Variants in ST3GAL3 observed in about 807,000 individuals in gnomAD.
The protein encoded by ST3GAL3 is ST3 beta-galactoside alpha-2,3-sialyltransferase 3, also known as CMP-N-acetylneuraminate-beta-1,4-galactoside alpha-2,3-sialyltransferase.
In ST3GAL3, 21 loss-of-function variants were observed where a neutral mutation model predicts 50.1. That is an observed-to-expected ratio of 0.42 (90% CI 0.30 to 0.60). The LOEUF is 0.60. ST3GAL3 is among the 20% of genes least tolerant of loss of function. The pLI is 0.19. For synonymous variants in ST3GAL3, 183 were observed against 190.0 expected (o/e 0.96, Z 0.30); for missense variants, 353 against 489.4 (o/e 0.72, Z 2.63).
chr1:43,907,363 G>A (rs1242967009), intron 9 of ST3GAL3, among the ~76,000 whole-genome samples: 1 of 152,204 alleles, frequency 6.6e-6, no homozygotes, highest in Non-Finnish European at 1.5e-5. Flanking sequence ...ACCAGGGACT[G>A]AATGTCACCC....
At chr1:43,929,253 C>T (rs2084595551) in intron 11 of ST3GAL3, among the ~76,000 whole-genome samples, 1 of 152,096 alleles carries the variant, frequency 6.6e-6, no homozygotes, top group Admixed American at 6.5e-5. Flanking sequence ...CAAAACATCA[C>T]ATTCTACCCC....
intron 2 of ST3GAL3, among the ~76,000 whole-genome samples, chr1:43,788,737 C>T (rs1337390789): frequency 6.6e-6 from 1 of 152,162 alleles, no homozygotes; most frequent in Non-Finnish European, 1.5e-5. Flanking sequence ...ATCAGAGCCT[C>T]AAAATGAATA....
chr1:43,867,848 T>C (rs2071703020), intron 5 of ST3GAL3, among the ~76,000 whole-genome samples: 1 of 152,162 alleles, frequency 6.6e-6, no homozygotes, highest in African/African-American at 2.4e-5. Context: ...AATACCAATA[T>C]ATAAGGGTTG....
intron 5 of ST3GAL3, among the ~76,000 whole-genome samples, chr1:43,844,423 G>C (rs2154204233): frequency 1.3e-5 from 2 of 152,288 alleles, no homozygotes; most frequent in Admixed American, 1.3e-4. Flanking sequence ...AAATTTGAAG[G>C]AATTTAGCAG....
At chr1:43,926,402 C>A (rs1206616848) in intron 11 of ST3GAL3, among the ~76,000 whole-genome samples, 1 of 152,116 alleles carries the variant, frequency 6.6e-6, no homozygotes, top group Non-Finnish European at 1.5e-5. Flanking sequence ...CCAGCCTGAC[C>A]AACATGGAGA....
Position 43,838,350 on chromosome 1 carries a change from G to C in ST3GAL3, c.302+39G>C, listed in dbSNP as rs757464726. 9 of 1,576,306 alleles carry C rather than the reference G, an allele frequency of 5.7e-6. No individual in the cohort carries two copies. The Admixed American group carries it at 1.2e-4, about 20-fold the overall frequency. On this transcript the variant is annotated intron_variant, in intron 5 of 11. Coordinates refer to ENST00000347631, the MANE Select transcript of ST3GAL3 (RefSeq NM_006279.5). Reference sequence around the variant, plus strand: ...TTTCCCTCCACTGCCTAGACAGCCTGGTCTGGGGTCCAAGAGCCAGAAACT... The same window carrying C: ...TTTCCCTCCACTGCCTAGACAGCCTCGTCTGGGGTCCAAGAGCCAGAAACT...
intron 2 of ST3GAL3, among the ~76,000 whole-genome samples, chr1:43,791,071 C>CAAG (rs2058020184): frequency 6.6e-6 from 1 of 152,182 alleles, no homozygotes; most frequent in Admixed American, 6.5e-5. Context: ...CATGGCCTTC[C>CAAG]CTCTGCTTTG....
chr1:43,901,102 G>A (rs2078201526), intron 9 of ST3GAL3, among the ~76,000 whole-genome samples: 1 of 152,220 alleles, frequency 6.6e-6, no homozygotes, highest in African/African-American at 2.4e-5. Context: ...TTGCCTTGAG[G>A]GCAGTAGAAT....
At chr1:43,818,767 GA>G (rs1467597130) in intron 4 of ST3GAL3, among the ~76,000 whole-genome samples, 2 of 151,288 alleles carry the variant, frequency 1.3e-5, no homozygotes, top group Non-Finnish European at 3.0e-5. Context: ...TACCAGATCT[GA>G]AAAAAACAAT....
chr1:43,857,586 C>CCCTTCCTTCCTT (rs1178598580), intron 5 of ST3GAL3, among the ~76,000 whole-genome samples: 64 of 85,966 alleles, frequency 7.4e-4, no homozygotes, highest in South Asian at 1.9e-3. Flanking sequence ...CTTCCTCCCT[C>CCCTTCCTTCCTT]CCTTCCTTCC....
intron 5 of ST3GAL3, among the ~76,000 whole-genome samples, chr1:43,875,897 C>CTCTTCTTCTTCTTCT (rs66500354): frequency 7.5e-6 from 1 of 134,044 alleles, no homozygotes; most frequent in Non-Finnish European, 1.5e-5. Flanking sequence ...TTTAGAATTT[C>CTCTTCTTCTTCTTCT]TCTTCTTCTT....
chr1:43,898,003 G>A (rs924153423), intron 6 of ST3GAL3, among the ~76,000 whole-genome samples: 3 of 152,204 alleles, frequency 2.0e-5, no homozygotes, highest in African/African-American at 7.2e-5. Context: ...CTGCGTGCCA[G>A]TGTTAGGGAC....
At chr1:43,808,051 C>T (rs2060104942) in intron 3 of ST3GAL3, among the ~76,000 whole-genome samples, 1 of 152,082 alleles carries the variant, frequency 6.6e-6, no homozygotes, top group South Asian at 2.1e-4. Context: ...CACCTGTAAT[C>T]CCAGCATTTT....
chr1:43,900,459 C>T (rs2078109076), intron 9 of ST3GAL3, among the ~76,000 whole-genome samples: 1 of 152,164 alleles, frequency 6.6e-6, no homozygotes. Flanking sequence ...TGAGTTCCCT[C>T]CCGAGACCTC....
intron 3 of ST3GAL3, among the ~76,000 whole-genome samples, chr1:43,798,191 C>T (rs563568054): frequency 6.6e-5 from 10 of 152,248 alleles, no homozygotes; most frequent in African/African-American, 2.2e-4. Flanking sequence ...CTTCTCTAGC[C>T]GCTTCTTTCT....
In ST3GAL3 at chr1:43,899,469, C is replaced by G. The variant is rs780949750; in HGVS notation, c.558-72C>G. 5.0e-6 allele frequency: 8 copies of G among 1,598,338 alleles called. No homozygotes were observed. The South Asian group carries it at 7.7e-5, about 15-fold the overall frequency. On this transcript the variant is annotated intron_variant, in intron 8 of 11. Coordinates refer to ENST00000347631, the MANE Select transcript of ST3GAL3 (RefSeq NM_006279.5). The surrounding 1 kb of genome is among the most constrained non-coding windows in gnomAD (Gnocchi z 5.4). ...TGACCTGGACTCCCTATTCTCCATG[C>G]CTGGGATAGTCTGGGGTCATGGTGC...
intron 11 of ST3GAL3, chr1:43,921,685 C>T: frequency 5.0e-6 from 2 of 398,810 alleles, no homozygotes; most frequent in Non-Finnish European, 8.8e-6. Flanking sequence ...GCTTATCAGT[C>T]TTCTTATCTA....
At chr1:43,712,712 T>C (rs1665392985) in intron 1 of ST3GAL3, among the ~76,000 whole-genome samples, 2 of 152,156 alleles carry the variant, frequency 1.3e-5, no homozygotes, top group African/African-American at 4.8e-5. Flanking sequence ...TCAGTAGTTA[T>C]TAGCTGGGTG....
intron 5 of ST3GAL3, among the ~76,000 whole-genome samples, chr1:43,843,608 G>A (rs138516592): frequency 6.6e-6 from 1 of 152,166 alleles, no homozygotes; most frequent in African/African-American, 2.4e-5. Flanking sequence ...AGAATAAGTG[G>A]GAAAATATTT....
Sources: allele counts gnomAD v4.1 joint callset (sites outside exome capture counted in the v4.1 genomes callset), GRCh38; gene constraint gnomAD v4.1.1; non-coding constraint Gnocchi (gnomAD v3.1); transcripts MANE v1.5; gene names NCBI Gene and HGNC (gene_info 2026-07-23, HGNC 2026-07-21).